Variants in EYA1 observed in about 807,000 individuals in gnomAD.
EYA1 encodes the protein protein phosphatase EYA1.
Under a neutral mutation model 82.0 loss-of-function variants are expected in EYA1, and 16 were observed. The observed-to-expected ratio is 0.20, with a 90% confidence interval of 0.13 to 0.30. The LOEUF (loss-of-function observed/expected upper bound fraction) is 0.30, where lower values mean the gene tolerates loss of function less well. Among genes scored for constraint, EYA1 ranks in the 10% least tolerant of loss-of-function variants. EYA1 has a pLI of 1.00. For synonymous variants in EYA1, 261 were observed against 264.4 expected, an observed-to-expected ratio of 0.99 and a Z score of 0.12; for missense variants, 633 against 730.7, an observed-to-expected ratio of 0.87 and a Z score of 1.54.
Position 71,408,193 on chromosome 8 carries a change from G to A in EYA1, c.34-51682C>T, listed in dbSNP as rs1217769138. On this transcript the variant is annotated intron_variant, in intron 2 of 18. Coordinates refer to the EYA1 transcript ENST00000643681. ...ATGCTGAGAGATTTTGTCACCACTA[G>A]GCCTGCCCTAAAAGAGCTCCTGAAG... is the stretch of plus-strand genomic sequence containing the variant. Among the ~76,000 whole-genome samples, 3 of 151,850 alleles carry A rather than the reference G, an allele frequency of 2.0e-5. No homozygotes were observed. In the East Asian group the frequency reaches 5.8e-4, roughly 29 times the overall value.
chr8:71,295,712 TA>T (rs1819523291), intron 9 of EYA1, among the ~76,000 whole-genome samples: 1 of 152,238 alleles, frequency 6.6e-6, no homozygotes, highest in African/African-American at 2.4e-5. Context: ...ATCACACTCC[TA>T]GGTATTTACT....
chr8:71,463,581 CT>C (rs1808535840), intron 2 of EYA1, among the ~76,000 whole-genome samples: 1 of 18,136 alleles, frequency 5.5e-5, no homozygotes, highest in Non-Finnish European at 8.5e-5. Flanking sequence ...TGCTTTCTCT[CT>C]CTCTCTCTCT....
At chr8:71,215,319 T>C (rs1420628035) in intron 16 of EYA1, 68 bp downstream of exon 16, 11 of 1,494,872 alleles carry the variant, frequency 7.4e-6, no homozygotes, top group African/African-American at 2.8e-5. Flanking sequence ...GTTTCATTTA[T>C]TGCCTTTCGT....
chr8:71,322,864 C>A (rs1335765747), intron 4 of EYA1, among the ~76,000 whole-genome samples: 2 of 152,056 alleles, frequency 1.3e-5, no homozygotes, highest in African/African-American at 4.8e-5. Context: ...CCTGTTTTTT[C>A]CTGTGCTGAT....
intron 2 of EYA1, among the ~76,000 whole-genome samples, chr8:71,484,352 A>C (rs1291438660): frequency 1.3e-5 from 2 of 152,216 alleles, no homozygotes; most frequent in East Asian, 3.8e-4. Flanking sequence ...AGGGTAAATT[A>C]GTCAATGAAA....
At chr8:71,330,851 TTGTGTGTG>T (rs35043341) in intron 4 of EYA1, among the ~76,000 whole-genome samples, 6 of 147,022 alleles carry the variant, frequency 4.1e-5, no homozygotes, top group African/African-American at 9.9e-5. Context: ...CCTTGATTTC[TTGTGTGTG>T]TGTGTGTGTG....
chr8:71,361,112 A>G (rs536879266), intron 1 of EYA1, among the ~76,000 whole-genome samples: 46 of 152,340 alleles, frequency 3.0e-4, no homozygotes, highest in Non-Finnish European at 4.7e-4. Flanking sequence ...AACGTTTGGG[A>G]AATTTATTAA....
chr8:71,291,417 C>T (rs1262928214), intron 9 of EYA1, among the ~76,000 whole-genome samples: 2 of 152,136 alleles, frequency 1.3e-5, no homozygotes, highest in Admixed American at 6.5e-5. Context: ...AATTCAATAT[C>T]GGCAAGATTC....
At chr8:71,208,268 C>A (rs546081115) in intron 17 of EYA1, among the ~76,000 whole-genome samples, 43 of 151,904 alleles carry the variant, frequency 2.8e-4, no homozygotes, top group Non-Finnish European at 5.7e-4. Flanking sequence ...CCCGTCTCTA[C>A]TAAAAATACA....
intron 9 of EYA1, among the ~76,000 whole-genome samples, chr8:71,287,968 G>A (rs1404450577): frequency 6.6e-6 from 1 of 152,128 alleles, no homozygotes; most frequent in Non-Finnish European, 1.5e-5. Context: ...AATACACCAA[G>A]GAGCTAAGTG....
chr8:71,488,497 G>C (rs575954100), intron 2 of EYA1, among the ~76,000 whole-genome samples: 1 of 152,284 alleles, frequency 6.6e-6, no homozygotes, highest in African/African-American at 2.4e-5. Context: ...ATACTGTATG[G>C]TTCAATTTAT....
At chr8:71,421,641 C>A (rs773296373) in intron 2 of EYA1, among the ~76,000 whole-genome samples, 25 of 152,042 alleles carry the variant, frequency 1.6e-4, no homozygotes, top group Non-Finnish European at 2.9e-5. Flanking sequence ...ATGATGCAGC[C>A]CTTTGAACAG....
chr8:71,493,305 C>A (rs2129227177), intron 2 of EYA1, among the ~76,000 whole-genome samples: 1 of 152,306 alleles, frequency 6.6e-6, no homozygotes, highest in Admixed American at 6.5e-5. Context: ...CCTTTAGGAA[C>A]AAGTATTATC....
intron 2 of EYA1, among the ~76,000 whole-genome samples, chr8:71,443,653 C>T (rs1427067048): frequency 6.6e-6 from 1 of 152,156 alleles, no homozygotes; most frequent in African/African-American, 2.4e-5. Context: ...AAAGAAAACT[C>T]ACATTTCCAA....
intron 4 of EYA1, among the ~76,000 whole-genome samples, chr8:71,327,941 C>T (rs767380254): frequency 5.6e-4 from 85 of 151,016 alleles, no homozygotes; most frequent in Non-Finnish European, 9.3e-4. Flanking sequence ...CTGCAACCTC[C>T]GCCTCCTGGG....
intron 2 of EYA1, among the ~76,000 whole-genome samples, chr8:71,411,542 C>G (rs1257565547): frequency 6.8e-6 from 1 of 147,976 alleles, no homozygotes; most frequent in Non-Finnish European, 1.5e-5. Context: ...AAGAAAAAAA[C>G]AAACAACCCC....
intron 12 of EYA1, among the ~76,000 whole-genome samples, chr8:71,233,763 T>G (rs1413094579): frequency 2.0e-5 from 3 of 152,190 alleles, no homozygotes; most frequent in Non-Finnish European, 2.9e-5. Context: ...GGTGTTTTAA[T>G]TGTTAAGATT....
intron 1 of EYA1, among the ~76,000 whole-genome samples, chr8:71,541,514 T>G (rs1018452128): frequency 6.6e-6 from 1 of 152,222 alleles, no homozygotes; most frequent in Admixed American, 6.5e-5. Flanking sequence ...GACATGCTTA[T>G]TTGGTAAGGA....
At chr8:71,351,612 A>G (rs1826314158) in intron 3 of EYA1, among the ~76,000 whole-genome samples, 1 of 152,238 alleles carries the variant, frequency 6.6e-6, no homozygotes, top group African/African-American at 2.4e-5. Context: ...AAAGCACAGT[A>G]CTTGAGGCTG....
Sources: gnomAD v4.1 joint callset for allele counts (sites outside exome capture counted in the v4.1 genomes callset) on GRCh38, gnomAD v4.1.1 for gene constraint, MANE v1.5 for transcripts, NCBI Gene and HGNC (gene_info 2026-07-23, HGNC 2026-07-21) for gene names.